TUBE1: variants seen among roughly 807,000 people sequenced by gnomAD.
TUBE1 encodes the protein tubulin epsilon 1.
In TUBE1, 34 loss-of-function variants were observed where a neutral mutation model predicts 53.5. That is an observed-to-expected ratio of 0.64 (90% CI 0.48 to 0.85). The LOEUF (loss-of-function observed/expected upper bound fraction) is 0.85. Among genes scored for constraint, TUBE1 ranks in the 40% least tolerant of loss-of-function variants. TUBE1 has a pLI of 0.00. For missense variants in TUBE1, 532 were observed against 570.5 expected (o/e 0.93, Z 0.69); for synonymous variants, 177 against 198.4 (o/e 0.89, Z 0.91).
intron 4 of TUBE1, among the ~76,000 whole-genome samples, chr6:112,081,639 C>T (rs1303731494): frequency 9.2e-5 from 14 of 152,018 alleles, no homozygotes; most frequent in African/African-American, 2.9e-4. Context: ...TTTACCATTA[C>T]GTGCAAAGCA....
At chr6:112,080,679 G>T (rs1298055750) in intron 5 of TUBE1, among the ~76,000 whole-genome samples, 3 of 151,926 alleles carry the variant, frequency 2.0e-5, no homozygotes, top group Non-Finnish European at 4.4e-5. Context: ...TATACTCAAG[G>T]GCCTAAACAG....
intron 4 of TUBE1, among the ~76,000 whole-genome samples, chr6:112,083,756 C>A (rs1777107438): frequency 6.6e-6 from 1 of 152,174 alleles, no homozygotes; most frequent in Non-Finnish European, 1.5e-5. Context: ...TAAATATGGG[C>A]TAAGAACCTG....
intron 4 of TUBE1, among the ~76,000 whole-genome samples, chr6:112,081,876 T>C (rs1777076809): frequency 1.3e-5 from 2 of 151,152 alleles, no homozygotes; most frequent in South Asian, 4.2e-4. Flanking sequence ...GGCAGTAGGA[T>C]TACATGTCCC....
Position 112,074,842 on chromosome 6 carries a change from C to A in TUBE1, c.821G>T (p.Arg274Ile). The change falls in exon 9 of 12, where the codon AGA (arginine) becomes ATA (isoleucine). Residue 274 changes from arginine (R) to isoleucine (I), a missense_variant. By Grantham distance (97) the Arg-to-Ile change is moderately conservative. Transcript: ENST00000368662. ...GTCCATATTAAGGGACCCTTCAAAT[C>A]TTGCAGAGCTAAAAAGTTAACATTA... ...NLLLNLTSSA[R>I]FEGSLNMDLN... 1 of 1,576,964 alleles carries A rather than the reference C, an allele frequency of 6.3e-7. No homozygotes were observed. The highest frequency in any genetic ancestry group is 8.6e-7 in the Non-Finnish European group (1 of 1,167,698).
In TUBE1 at chr6:112,087,252, T is replaced by C; in HGVS notation, c.80A>G (p.Glu27Gly). 1.3e-6 allele frequency: 2 copies of C among 1,551,410 alleles called. No individual in the cohort carries two copies. The highest frequency in any genetic ancestry group is 1.7e-6 in the Non-Finnish European group (2 of 1,147,026). The change falls in exon 2 of 12, where the codon GAG becomes GGG. Residue 27 changes from glutamate to glycine, a missense_variant. Physicochemically the swap from Glu to Gly is moderately conservative, Grantham distance 98. Coordinates refer to ENST00000368662, the MANE Select transcript of TUBE1 (RefSeq NM_016262.5). ...GCCFWDLALR[E>G]HAAVNQKGIY... ...GGGTACCTGGTTGACCGCGGCGTGC[T>C]CCCTTAGTGCCAGGTCCCAGAAGCA... is the stretch of plus-strand genomic sequence containing the variant.
intron 3 of TUBE1, among the ~76,000 whole-genome samples, chr6:112,086,098 T>C (rs782056118): frequency 4.2e-4 from 64 of 152,332 alleles, no homozygotes; most frequent in Non-Finnish European, 8.8e-4. Context: ...TATGGAGATA[T>C]CCTAAACGGC....
At chr6:112,073,634 G>T (rs1232095817) in intron 9 of TUBE1, among the ~76,000 whole-genome samples, 1 of 152,128 alleles carries the variant, frequency 6.6e-6, no homozygotes, top group East Asian at 1.9e-4. Context: ...CTATTAGTTG[G>T]CAAAGTGGTC....
chr6:112,085,831 G>C, intron 3 of TUBE1: 1 of 391,484 alleles, frequency 2.6e-6, no homozygotes, highest in Admixed American at 3.1e-5. Flanking sequence ...AACCCATCTC[G>C]AGATGCCAAT....
Position 112,081,076 on chromosome 6 carries a change from C to T in TUBE1, c.326+16G>A, listed in dbSNP as rs1221630859. 9 of 1,417,772 alleles carry T rather than the reference C, an allele frequency of 6.3e-6. No homozygotes were observed. Among genetic ancestry groups the T allele is most frequent in the South Asian group, 3.7e-5 (3 of 81,772 alleles). 87.8% of individuals were successfully genotyped at this position (1,417,772 alleles called of 1,614,324 possible). ...TTTTTCAGAAGATATTCAATTTTTA[C>T]GCTGTGTATTCTCACCAATTATTTC... On this transcript the variant is annotated intron_variant, in intron 5 of 11. Transcript: ENST00000368662.
chr6:112,072,210 A>G, intron 10 of TUBE1, 134 bp from the exon 11 acceptor site: 1 of 618,970 alleles, frequency 1.6e-6, no homozygotes, highest in South Asian at 2.6e-5. Flanking sequence ...TTAGACGCTA[A>G]GTTATCTATT....
chr6:112,080,966 G>C, intron 5 of TUBE1, 126 bp downstream of exon 5: 1 of 498,860 alleles, frequency 2.0e-6, no homozygotes, highest in Non-Finnish European at 3.5e-6. Context: ...TATTAAGGTG[G>C]TGGGCTGAAA....
chr6:112,085,873 G>A (rs1398936593), intron 3 of TUBE1: 1 of 325,802 alleles, frequency 3.1e-6, no homozygotes, highest in Non-Finnish European at 6.1e-6. Context: ...CAGTGCCCTA[G>A]ATAGACTCTG....
chr6:112,077,203 T>TAA, intron 6 of TUBE1: 1 of 152,310 alleles, frequency 6.6e-6, no homozygotes, highest in South Asian at 2.1e-4. Context: ...AAAACTATCA[T>TAA]GTCATCAAGC....
intron 8 of TUBE1, 42 bp downstream of exon 8, chr6:112,075,895 A>G (rs782249961): frequency 1.3e-6 from 2 of 1,500,146 alleles, no homozygotes; most frequent in Non-Finnish European, 1.8e-6. Flanking sequence ...AATATCTCCA[A>G]AAGCACAATA....
chr6:112,071,325 T>C lies in TUBE1; in HGVS notation c.*87A>G. On this transcript the variant is annotated 3_prime_UTR_variant, in exon 12 of 12. Transcript: ENST00000368662. ...ATATTTCCCGATAATATGAAAAAAC[T>C]GGAGTTTCCAAATTACAAAAATGTT... 3 of 1,258,250 alleles carry C rather than the reference T, an allele frequency of 2.4e-6. No individual in the cohort carries two copies. Among genetic ancestry groups the C allele is most frequent in the Non-Finnish European group, 3.2e-6 (3 of 950,068 alleles). 77.9% of individuals were successfully genotyped at this position (1,258,250 alleles called of 1,614,324 possible).
At chr6:112,083,893 T>C (rs1434314376) in intron 4 of TUBE1, 1 of 239,322 alleles carries the variant, frequency 4.2e-6, no homozygotes, top group African/African-American at 2.3e-5. Flanking sequence ...AAATAAAACA[T>C]TAAACTGTAC....
intron 4 of TUBE1, among the ~76,000 whole-genome samples, chr6:112,083,013 C>T (rs138242990): frequency 2.3e-3 from 353 of 152,230 alleles, no homozygotes; most frequent in African/African-American, 7.9e-3. Context: ...TCCTTCACCT[C>T]TCAATCTGCT....
At chr6:112,072,428 A>C (rs587708213) in intron 10 of TUBE1, among the ~76,000 whole-genome samples, 10 of 152,300 alleles carry the variant, frequency 6.6e-5, no homozygotes, top group African/African-American at 2.4e-4. Context: ...AGAATGAAAT[A>C]GTAACACAAA....
At chr6:112,072,995 C>T (rs1035357782) in intron 9 of TUBE1, 97 bp from the exon 10 acceptor site, 3 of 994,694 alleles carry the variant, frequency 3.0e-6, no homozygotes, top group Non-Finnish European at 4.3e-6. Flanking sequence ...AGAAACCACA[C>T]TAAATATTAC....
Sources: gnomAD v4.1 joint callset for allele counts (sites outside exome capture counted in the v4.1 genomes callset) on GRCh38, gnomAD v4.1.1 for gene constraint, MANE v1.5 for transcripts, NCBI Gene and HGNC (gene_info 2026-07-23, HGNC 2026-07-21) for gene names.